FGF12: variants seen among roughly 807,000 people sequenced by gnomAD.
FGF12 encodes fibroblast growth factor 12.
In FGF12, 14 loss-of-function variants were observed where a neutral mutation model predicts 23.6. That is an observed-to-expected ratio of 0.59 (90% CI 0.39 to 0.93). The LOEUF (loss-of-function observed/expected upper bound fraction) is 0.93. FGF12 is among the 40% of genes least tolerant of loss of function. FGF12 has a pLI of 0.00. For synonymous variants in FGF12, 62 were observed against 77.3 expected (o/e 0.80, Z 1.04); for missense variants, 175 against 217.8 (o/e 0.80, Z 1.24).
intron 2 of FGF12, among the ~76,000 whole-genome samples, chr3:192,444,708 C>T (rs566767562): frequency 6.6e-6 from 1 of 152,320 alleles, no homozygotes; most frequent in South Asian, 2.1e-4. Context: ...ACCTCGTGGA[C>T]ATGAGGGAAA....
rs758934798 is a variant in FGF12 at position 192,220,261 on chromosome 3, A to G, written c.229-49605T>C. On this transcript the variant is annotated intron_variant, in intron 4 of 5. Coordinates refer to ENST00000445105, the MANE Select transcript of FGF12 (RefSeq NM_004113.6). ...ATATATTCAGTCTACTCCACCTAGCATCAAAGACCCTCCATGACCTGGCTC... is the reference window on the plus strand; with the variant it reads ...ATATATTCAGTCTACTCCACCTAGCGTCAAAGACCCTCCATGACCTGGCTC... Among the ~76,000 whole-genome samples, 7 of 152,268 alleles carry G rather than the reference A, an allele frequency of 4.6e-5. No individual in the cohort carries two copies. The Middle Eastern group carries it at 0.01, about 222-fold the overall frequency.
chr3:192,458,717 G>A (rs1722762022), intron 2 of FGF12, among the ~76,000 whole-genome samples: 1 of 152,128 alleles, frequency 6.6e-6, no homozygotes, highest in South Asian at 2.1e-4. Flanking sequence ...GGTTAATGCT[G>A]AAATGAGTTA....
chr3:192,651,965 A>T (rs1716228254), intron 2 of FGF12, among the ~76,000 whole-genome samples: 1 of 152,178 alleles, frequency 6.6e-6, no homozygotes, highest in Non-Finnish European at 1.5e-5. Context: ...ATTCATGCAG[A>T]GGATGTGGCT....
At chr3:192,395,525 A>T (rs73193586) in intron 2 of FGF12, among the ~76,000 whole-genome samples, 12,414 of 152,314 alleles carry the variant, frequency 0.082, 664 homozygotes, top group Non-Finnish European at 0.12. Context: ...TGATGCCATA[A>T]GCACATTAGT....
At position 192,204,230 on chromosome 3, in the gene FGF12, T is replaced by G. The variant is rs145309922; in HGVS notation, c.229-33574A>C. On this transcript the variant is annotated intron_variant, in intron 4 of 5. Transcript: ENST00000445105. ...TCTGAGCAAAAAGATGAAAGAAAATTCCATTTTCTTTATCACAGAGCAAAT... is the reference window on the plus strand; with the variant it reads ...TCTGAGCAAAAAGATGAAAGAAAATGCCATTTTCTTTATCACAGAGCAAAT... 3.2e-4 allele frequency among the ~76,000 whole-genome samples: 49 copies of G among 152,200 alleles called. 1 individual carries two copies. The East Asian group carries it at 8.5e-3, about 26-fold the overall frequency.
chr3:192,647,050 CT>C (rs1193358556), intron 2 of FGF12, among the ~76,000 whole-genome samples: 1 of 152,012 alleles, frequency 6.6e-6, no homozygotes, highest in African/African-American at 2.4e-5. Flanking sequence ...TGAGTTATGT[CT>C]GTATTTAACA....
chr3:192,413,372 AGCTGTAT>A lies in FGF12; in HGVS notation c.14-52841_14-52835del, dbSNP rs560583748. On this transcript the variant is annotated intron_variant, in intron 2 of 5. Coordinates refer to ENST00000445105, the MANE Select transcript of FGF12 (RefSeq NM_004113.6). The stretch of plus-strand genomic sequence containing the variant: ...TTGGCTCTTGTTTTAATCGCCCACT[AGCTGTAT>A]GCTGTTGGACACGTTATTCAACCTC... Among the ~76,000 whole-genome samples, 354 of 152,286 alleles carry A rather than the reference AGCTGTAT, an allele frequency of 2.3e-3. 1 individual carries two copies. Among genetic ancestry groups the A allele is most frequent in the African/African-American group, 8.1e-3 (337 of 41,546 alleles).
At chr3:192,272,787 T>TA (rs1199126501) in intron 4 of FGF12, among the ~76,000 whole-genome samples, 1 of 152,152 alleles carries the variant, frequency 6.6e-6, no homozygotes, top group Non-Finnish European at 1.5e-5. Flanking sequence ...ATAGCCATTG[T>TA]AAAAATATTC....
intron 4 of FGF12, among the ~76,000 whole-genome samples, chr3:192,292,519 T>C (rs1019492467): frequency 2.0e-5 from 3 of 152,176 alleles, no homozygotes; most frequent in African/African-American, 7.2e-5. Context: ...ATTGTCTTAC[T>C]TATAAAATAA....
intron 2 of FGF12, among the ~76,000 whole-genome samples, chr3:192,426,764 A>G (rs1406078883): frequency 6.6e-6 from 1 of 152,236 alleles, no homozygotes; most frequent in Non-Finnish European, 1.5e-5. Context: ...AGAGACACTT[A>G]CATAAGTAGT....
chr3:192,528,735 A>T (rs1377216435), intron 2 of FGF12, among the ~76,000 whole-genome samples: 1 of 152,168 alleles, frequency 6.6e-6, no homozygotes, highest in Non-Finnish European at 1.5e-5. Flanking sequence ...CAAACCCCAA[A>T]TCTTGACTTC....
intron 4 of FGF12, among the ~76,000 whole-genome samples, chr3:192,322,944 C>T (rs1208891690): frequency 6.6e-6 from 1 of 152,118 alleles, no homozygotes; most frequent in East Asian, 1.9e-4. Flanking sequence ...AGAAGACTTA[C>T]AAATGGCAGA....
intron 3 of FGF12, among the ~76,000 whole-genome samples, chr3:192,341,699 A>C (rs560916408): frequency 6.6e-6 from 1 of 152,340 alleles, no homozygotes; most frequent in East Asian, 1.9e-4. Context: ...ATGAGAAAAG[A>C]AAAACTAAAT....
chr3:192,571,179 T>A (rs190825363), intron 2 of FGF12, among the ~76,000 whole-genome samples: 2 of 152,344 alleles, frequency 1.3e-5, no homozygotes, highest in Admixed American at 1.3e-4. Flanking sequence ...ACTGTCAATG[T>A]CAAATGTGAA....
intron 2 of FGF12, among the ~76,000 whole-genome samples, chr3:192,494,528 A>T (rs1001167964): frequency 4.6e-5 from 7 of 152,178 alleles, no homozygotes; most frequent in African/African-American, 9.7e-5. Flanking sequence ...CTTCTGAGTC[A>T]TGATTCCAAA....
chr3:192,198,030 C>T (rs1455968471), intron 4 of FGF12, among the ~76,000 whole-genome samples: 2 of 146,056 alleles, frequency 1.4e-5, no homozygotes, highest in African/African-American at 5.0e-5. Flanking sequence ...TTAACTTCTT[C>T]TCTCACAATA....
At chr3:192,357,279 C>T (rs1278731239) in intron 3 of FGF12, among the ~76,000 whole-genome samples, 1 of 152,000 alleles carries the variant, frequency 6.6e-6, no homozygotes, top group African/African-American at 2.4e-5. Flanking sequence ...GTCAGGAGAT[C>T]GAGACCATCC....
intron 2 of FGF12, among the ~76,000 whole-genome samples, chr3:192,529,639 A>G (rs1212124056): frequency 6.6e-6 from 1 of 152,180 alleles, no homozygotes; most frequent in Non-Finnish European, 1.5e-5. Context: ...GGCAATTTAC[A>G]AAAGAAAGAG....
At chr3:192,711,940 C>CAAAAAAAAA (rs60779864) in intron 2 of FGF12, among the ~76,000 whole-genome samples, 5 of 50,816 alleles carry the variant, frequency 9.8e-5, no homozygotes, top group Non-Finnish European at 2.5e-4. Context: ...CAAGAACGAT[C>CAAAAAAAAA]AAAAAAAAAA....
Sources: gnomAD v4.1 joint callset for allele counts (sites outside exome capture counted in the v4.1 genomes callset) on GRCh38, gnomAD v4.1.1 for gene constraint, MANE v1.5 for transcripts, NCBI Gene and HGNC (gene_info 2026-07-23, HGNC 2026-07-21) for gene names.